Variants in KIF6 observed in about 807,000 individuals in gnomAD.
KIF6 encodes the protein kinesin-like protein KIF6.
KIF6 carries 106 observed loss-of-function variants against 112.7 expected under a neutral mutation model. That is an observed-to-expected ratio of 0.94 (90% confidence interval 0.80 to 1.11). The LOEUF (loss-of-function observed/expected upper bound fraction) is 1.11. Among genes scored for constraint, KIF6 ranks in the 50% least tolerant of loss-of-function variants. The pLI is 0.00. For missense variants in KIF6, 929 were observed against 964.0 expected (o/e 0.96, Z 0.48); for synonymous variants, 339 against 339.9 (o/e 1.00, Z 0.03).
At position 39,342,746 on chromosome 6, in the gene KIF6, A is replaced by C; in HGVS notation, c.2428+963T>G. On this transcript the variant is annotated intron_variant, in intron 22 of 22. Coordinates refer to ENST00000287152, the MANE Select transcript of KIF6 (RefSeq NM_145027.6). This position sits in a 1 kb window ranked among gnomAD's most constrained non-coding sequence, Gnocchi z 4.7. ...GGCTGCTGGTCCTGGTGGTGAAGAGAGGATAGTAAATAAGCAGGCTGGCGG... is the reference window on the plus strand; with the variant it reads ...GGCTGCTGGTCCTGGTGGTGAAGAGCGGATAGTAAATAAGCAGGCTGGCGG... The C allele has an allele frequency of 1.0e-6, 1 of 972,814 alleles. No homozygotes were observed. Among genetic ancestry groups the C allele is most frequent in the Non-Finnish European group, 1.2e-6 (1 of 818,810 alleles). The allele number at this position is 972,814 out of a possible 1,614,324, so 60.3% of individuals were successfully genotyped here.
intron 9 of KIF6, chr6:39,583,456 T>A (rs1197793940): frequency 4.2e-6 from 2 of 471,632 alleles, no homozygotes; most frequent in South Asian, 3.1e-5. Flanking sequence ...AGAAGAGAAC[T>A]CCATCAGAGG....
chr6:39,430,453 G>C (rs2150380165), intron 14 of KIF6, among the ~76,000 whole-genome samples: 1 of 152,272 alleles, frequency 6.6e-6, no homozygotes, highest in South Asian at 2.1e-4. Flanking sequence ...GAGTTTGTTT[G>C]CTACAGTTTG....
chr6:39,402,806 T>C (rs1768803928), intron 15 of KIF6, among the ~76,000 whole-genome samples: 1 of 152,144 alleles, frequency 6.6e-6, no homozygotes, highest in Admixed American at 6.5e-5. Context: ...ATTTGTGTGT[T>C]TTCCACAGGG....
chr6:39,578,419 G>A (rs919817830), intron 9 of KIF6, among the ~76,000 whole-genome samples: 8 of 142,096 alleles, frequency 5.6e-5, no homozygotes, highest in East Asian at 2.1e-4. Context: ...TGCAACCTCC[G>A]CCTCCCGGGT....
chr6:39,537,729 AC>A (rs1171299547), intron 13 of KIF6, among the ~76,000 whole-genome samples: 4 of 152,208 alleles, frequency 2.6e-5, no homozygotes, highest in Non-Finnish European at 5.9e-5. Context: ...TAAAGTTCAT[AC>A]GGAACCAAAA....
chr6:39,337,227 CT>C (rs1157662002), intron 22 of KIF6, among the ~76,000 whole-genome samples: 5 of 94,900 alleles, frequency 5.3e-5, no homozygotes, highest in Non-Finnish European at 9.3e-5. Flanking sequence ...TTCTTTCTTT[CT>C]TTCTTTCTTT....
At chr6:39,580,886 A>G (rs1781249048) in intron 9 of KIF6, among the ~76,000 whole-genome samples, 1 of 152,108 alleles carries the variant, frequency 6.6e-6, no homozygotes, top group African/African-American at 2.4e-5. Flanking sequence ...TTTTGTTTTA[A>G]CTTTTCTCAT....
At chr6:39,559,883 C>G (rs1052465930) in intron 10 of KIF6, among the ~76,000 whole-genome samples, 2 of 149,806 alleles carry the variant, frequency 1.3e-5, no homozygotes, top group African/African-American at 2.4e-5. Context: ...GTTTTTAAGG[C>G]AAAACTATTC....
At chr6:39,682,723 G>A (rs758777809) in intron 3 of KIF6, among the ~76,000 whole-genome samples, 21 of 152,092 alleles carry the variant, frequency 1.4e-4, no homozygotes, top group Non-Finnish European at 2.9e-4. Flanking sequence ...GAGATTATAG[G>A]TGTGTGCCAC....
chr6:39,529,982 T>C (rs1442774593), intron 13 of KIF6, among the ~76,000 whole-genome samples: 1 of 152,264 alleles, frequency 6.6e-6, no homozygotes. Context: ...CCTTCTCCTT[T>C]GAATTCACAG....
chr6:39,498,201 C>T (rs911233514), intron 13 of KIF6, among the ~76,000 whole-genome samples: 1 of 152,158 alleles, frequency 6.6e-6, no homozygotes, highest in Non-Finnish European at 1.5e-5. Context: ...AATAATAACT[C>T]TTCCAATGAT....
intron 12 of KIF6, among the ~76,000 whole-genome samples, chr6:39,543,820 C>A (rs539943645): frequency 4.6e-5 from 7 of 152,176 alleles, no homozygotes; most frequent in Non-Finnish European, 8.8e-5. Flanking sequence ...GTAACCACTT[C>A]GTCTGCAACT....
At chr6:39,364,421 C>G (rs1765406069) in intron 16 of KIF6, among the ~76,000 whole-genome samples, 1 of 151,984 alleles carries the variant, frequency 6.6e-6, no homozygotes, top group South Asian at 2.1e-4. Flanking sequence ...GCCCAGCCCC[C>G]TTTTTTTTCT....
chr6:39,725,190 G>T, intron 1 of KIF6, 55 bp downstream of exon 1: 1 of 1,500,146 alleles, frequency 6.7e-7, no homozygotes. Context: ...GCCGCCGCCC[G>T]ACCCCAGCCC....
chr6:39,558,660 G>C (rs998866794), intron 10 of KIF6, among the ~76,000 whole-genome samples: 1 of 152,132 alleles, frequency 6.6e-6, no homozygotes, highest in African/African-American at 2.4e-5. Flanking sequence ...GAATAAAACA[G>C]TATGTTCATG....
At chr6:39,401,182 T>C (rs1768673846) in intron 15 of KIF6, among the ~76,000 whole-genome samples, 1 of 152,244 alleles carries the variant, frequency 6.6e-6, no homozygotes, top group Non-Finnish European at 1.5e-5. Flanking sequence ...CAGTGACTTC[T>C]AGGAAGTTGT....
chr6:39,715,544 C>T (rs1168015614), intron 2 of KIF6, among the ~76,000 whole-genome samples: 2 of 146,598 alleles, frequency 1.4e-5, no homozygotes, highest in Non-Finnish European at 3.0e-5. Context: ...CACTCTGTCA[C>T]CCAGGCTGGA....
intron 6 of KIF6, among the ~76,000 whole-genome samples, chr6:39,599,122 T>C (rs1427630822): frequency 6.6e-6 from 1 of 152,228 alleles, no homozygotes; most frequent in Non-Finnish European, 1.5e-5. Flanking sequence ...GGTTACATTA[T>C]TCTCTGTACT....
At chr6:39,700,669 T>A (rs1788827347) in intron 3 of KIF6, among the ~76,000 whole-genome samples, 1 of 152,162 alleles carries the variant, frequency 6.6e-6, no homozygotes, top group African/African-American at 2.4e-5. Flanking sequence ...TCCTTATTAA[T>A]AATTGGTTCA....
Sources: gnomAD v4.1 joint callset for allele counts (sites outside exome capture counted in the v4.1 genomes callset) on GRCh38, gnomAD v4.1.1 for gene constraint, Gnocchi (gnomAD v3.1) non-coding constraint, MANE v1.5 for transcripts, NCBI Gene and HGNC (gene_info 2026-07-23, HGNC 2026-07-21) for gene names.